PAX2: variants seen among roughly 807,000 people sequenced by gnomAD.
PAX2 encodes the protein paired box 2, also known as paired box protein Pax-2.
In PAX2, 9 loss-of-function variants were observed where a neutral mutation model predicts 41.7. The observed-to-expected ratio is 0.22, with a 90% CI of 0.13 to 0.38. The LOEUF (loss-of-function observed/expected upper bound fraction) is 0.38. Ranked by LOEUF, PAX2 falls within the 10% of genes least tolerant of loss-of-function variation. The pLI is 1.00. For synonymous variants in PAX2, 221 were observed against 212.7 expected (o/e 1.04, Z -0.34); for missense variants, 418 against 531.6 (o/e 0.79, Z 2.10).
intron 7 of PAX2, among the ~76,000 whole-genome samples, chr10:100,809,788 T>A (rs963680676): frequency 1.1e-4 from 16 of 152,190 alleles, no homozygotes; most frequent in Non-Finnish European, 1.0e-4. Context: ...GAGAGGTCAG[T>A]GACACCAAGG....
At chr10:100,753,452 A>G (rs1294243895) in intron 3 of PAX2, among the ~76,000 whole-genome samples, 1 of 152,236 alleles carries the variant, frequency 6.6e-6, no homozygotes, top group East Asian at 1.9e-4. Flanking sequence ...TGCTGGTTAT[A>G]TCAGAAACTT....
At chr10:100,794,474 C>T (rs1847251489) in intron 5 of PAX2, among the ~76,000 whole-genome samples, 1 of 152,170 alleles carries the variant, frequency 6.6e-6, no homozygotes, top group East Asian at 1.9e-4. Flanking sequence ...CCCTTTCATC[C>T]ACTCCACCTT....
chr10:100,787,068 C>T (rs1309414523), intron 5 of PAX2: 18 of 1,024,026 alleles, frequency 1.8e-5, no homozygotes, highest in African/African-American at 1.3e-4. Flanking sequence ...TTGGGGGTGG[C>T]GGTTAGAGAA....
At chr10:100,738,840 T>C (rs567767529) in intron 1 of PAX2, among the ~76,000 whole-genome samples, 1 of 152,324 alleles carries the variant, frequency 6.6e-6, no homozygotes, top group African/African-American at 2.4e-5. Flanking sequence ...AGAGACCCTG[T>C]CCTGGCTCCT....
intron 1 of PAX2, chr10:100,747,511 G>T: frequency 1.3e-5 from 7 of 522,166 alleles, no homozygotes; most frequent in Non-Finnish European, 9.8e-6. Flanking sequence ...ATTCTAAATA[G>T]AAAACTCCTC....
chr10:100,774,147 A>G (rs1021982424), intron 3 of PAX2, among the ~76,000 whole-genome samples: 4 of 152,180 alleles, frequency 2.6e-5, no homozygotes, highest in African/African-American at 9.6e-5. Flanking sequence ...TGCTCTCTTA[A>G]AAGGTGGAGC....
chr10:100,737,927 C>G (rs1844830384), intron 1 of PAX2, among the ~76,000 whole-genome samples: 1 of 152,242 alleles, frequency 6.6e-6, no homozygotes, highest in Non-Finnish European at 1.5e-5. Context: ...CGAAAACCAT[C>G]AGGAAAGGGC....
intron 1 of PAX2, among the ~76,000 whole-genome samples, chr10:100,740,434 C>T (rs984439681): frequency 6.6e-6 from 1 of 152,094 alleles, no homozygotes; most frequent in East Asian, 1.9e-4. Flanking sequence ...GAAGGGGAAA[C>T]AAAATAAAAC....
chr10:100,781,115 A>G, intron 4 of PAX2, 131 bp from the exon 5 acceptor site: 1 of 861,202 alleles, frequency 1.2e-6, no homozygotes, highest in South Asian at 1.3e-5. Context: ...TAGAGGAATG[A>G]GAGGAACGTG....
intron 7 of PAX2, among the ~76,000 whole-genome samples, chr10:100,809,714 A>G (rs4919498): frequency 0.13 from 19,492 of 152,174 alleles, 2,614 homozygotes; most frequent in African/African-American, 0.34. Context: ...GCTTGAGGGC[A>G]TGGCACCCAG....
chr10:100,816,313 G>T (rs553882432), intron 7 of PAX2, among the ~76,000 whole-genome samples: 1 of 152,306 alleles, frequency 6.6e-6, no homozygotes, highest in South Asian at 2.1e-4. Flanking sequence ...GGACCCTTTT[G>T]GTTTCTGTAG....
chr10:100,813,428 C>G (rs780502828), intron 7 of PAX2, among the ~76,000 whole-genome samples: 5 of 152,176 alleles, frequency 3.3e-5, no homozygotes, highest in Non-Finnish European at 5.9e-5. Context: ...GAACTCAAAG[C>G]CAGATCAGTA....
chr10:100,821,303 T>C (rs1848373649), intron 7 of PAX2, among the ~76,000 whole-genome samples: 1 of 152,246 alleles, frequency 6.6e-6, no homozygotes, highest in Non-Finnish European at 1.5e-5. Context: ...TTGTATGCAG[T>C]GGCCAGCACC....
chr10:100,781,609 G>T (rs754515979), intron 5 of PAX2, among the ~76,000 whole-genome samples: 2 of 152,186 alleles, frequency 1.3e-5, no homozygotes, highest in Non-Finnish European at 2.9e-5. Flanking sequence ...TCACCCTATC[G>T]ATCCCTGTGG....
At position 100,791,273 on chromosome 10, in the gene PAX2, G is replaced by T. The variant is rs1017896399; in HGVS notation, c.616+9908G>T. 6.6e-6 allele frequency among the ~76,000 whole-genome samples: 1 copy of T among 152,206 alleles called. No individual in the cohort carries two copies. Among genetic ancestry groups the T allele is most frequent in the Non-Finnish European group, 1.5e-5 (1 of 68,038 alleles). On this transcript the variant is annotated intron_variant, in intron 5 of 9. Coordinates refer to ENST00000355243, the MANE Select transcript of PAX2 (RefSeq NM_000278.5). This position sits in a 1 kb window ranked among gnomAD's most constrained non-coding sequence, Gnocchi z 4.5. The stretch of plus-strand genomic sequence containing the variant: ...CTGGGGCTGGGGCTTTATCCTGCAG[G>T]CAGAGCTTTTACACCTTGCCCTTCT...
chr10:100,774,610 G>A (rs1203917638), intron 3 of PAX2, among the ~76,000 whole-genome samples: 1 of 152,092 alleles, frequency 6.6e-6, no homozygotes, highest in Non-Finnish European at 1.5e-5. Flanking sequence ...CCCGGGCCTA[G>A]GGGTCACCCA....
In PAX2 at chr10:100,824,871, C is replaced by G; in HGVS notation, c.1021+122C>G. On this transcript the variant is annotated intron_variant, in intron 8 of 9. Coordinates refer to ENST00000355243, the MANE Select transcript of PAX2 (RefSeq NM_000278.5). The surrounding 1 kb of genome is among the most constrained non-coding windows in gnomAD (Gnocchi z 6.6). ...AGACACAACGTCCCCTCCCTGCAAA[C>G]CACTGCTATTCTGTCCCTCTCTCTC... 6.3e-7 allele frequency: 1 copy of G among 1,592,544 alleles called. No individual in the cohort carries two copies. The highest frequency in any genetic ancestry group is 8.6e-7 in the Non-Finnish European group (1 of 1,160,416).
At chr10:100,801,622 G>A (rs1847567403) in intron 5 of PAX2, among the ~76,000 whole-genome samples, 1 of 152,160 alleles carries the variant, frequency 6.6e-6, no homozygotes, top group Non-Finnish European at 1.5e-5. Flanking sequence ...GAAAAATTTG[G>A]ACCAGACATC....
intron 1 of PAX2, 73 bp downstream of exon 1, chr10:100,746,376 C>T (rs1845174558): frequency 4.7e-6 from 5 of 1,072,564 alleles, no homozygotes; most frequent in Non-Finnish European, 1.5e-6. Flanking sequence ...CCAGCGTGGC[C>T]CCGGCCCCTC....
Sources: allele counts gnomAD v4.1 joint callset (sites outside exome capture counted in the v4.1 genomes callset), GRCh38; gene constraint gnomAD v4.1.1; non-coding constraint Gnocchi (gnomAD v3.1); transcripts MANE v1.5; gene names NCBI Gene and HGNC (gene_info 2026-07-23, HGNC 2026-07-21).